The following COMMD1 variants were observed in gnomAD, a reference collection of about 807,000 sequenced individuals.
COMMD1 encodes copper metabolism domain containing 1, also known as COMM domain-containing protein 1.
COMMD1 carries 10 observed loss-of-function variants against 17.2 expected under a neutral mutation model. The ratio of observed to expected loss-of-function variants is 0.58; its 90% CI spans 0.36 to 0.99. COMMD1 has a LOEUF of 0.99. Among genes scored for constraint, COMMD1 ranks in the 50% least tolerant of loss-of-function variants. The pLI, the probability that COMMD1 is intolerant of heterozygous loss-of-function variation, is 0.01. For missense variants in COMMD1, 270 were observed against 231.8 expected (o/e 1.17, Z -1.07); for synonymous variants, 97 against 91.6 (o/e 1.06, Z -0.34).
At chr2:61,896,455 C>T (rs180845560) in intron 1 of COMMD1, among the ~76,000 whole-genome samples, 110 of 152,210 alleles carry the variant, frequency 7.2e-4, no homozygotes, top group African/African-American at 2.0e-3. Context: ...GTGATCTGCA[C>T]CTGTAGTCCT....
chr2:62,053,961 G>A (rs1670616448), intron 2 of COMMD1, among the ~76,000 whole-genome samples: 1 of 151,846 alleles, frequency 6.6e-6, no homozygotes, highest in South Asian at 2.1e-4. Flanking sequence ...ATCCAATAGG[G>A]GTCTAACATC....
chr2:62,052,306 C>G (rs1363988935), intron 2 of COMMD1, among the ~76,000 whole-genome samples: 1 of 151,540 alleles, frequency 6.6e-6, no homozygotes, highest in East Asian at 1.9e-4. Flanking sequence ...CAAAAATTAG[C>G]CAGTCTTATA....
chr2:62,024,852 G>A (rs1462939288), intron 2 of COMMD1, among the ~76,000 whole-genome samples: 5 of 152,150 alleles, frequency 3.3e-5, no homozygotes, highest in Admixed American at 3.3e-4. Context: ...TTTACAAGAA[G>A]CAGTCATTAA....
chr2:62,083,636 G>C (rs1050703836), intron 2 of COMMD1, among the ~76,000 whole-genome samples: 1 of 152,092 alleles, frequency 6.6e-6, no homozygotes, highest in African/African-American at 2.4e-5. Context: ...TTGTTCCTCT[G>C]TTTCCTGTAA....
intron 2 of COMMD1, among the ~76,000 whole-genome samples, chr2:62,121,004 A>G (rs927636338): frequency 6.6e-6 from 1 of 151,964 alleles, no homozygotes; most frequent in Non-Finnish European, 1.5e-5. Flanking sequence ...TTGGCCTCCC[A>G]AAGTGCTGAG....
At chr2:62,028,324 C>G (rs140696469) in intron 2 of COMMD1, among the ~76,000 whole-genome samples, 27 of 152,284 alleles carry the variant, frequency 1.8e-4, no homozygotes, top group African/African-American at 6.3e-4. Context: ...ATAGCTTTCT[C>G]TGAACTATCA....
chr2:61,930,666 T>TGAG (rs1670443179), intron 1 of COMMD1, among the ~76,000 whole-genome samples: 1 of 149,284 alleles, frequency 6.7e-6, no homozygotes, highest in Non-Finnish European at 1.5e-5. Context: ...TGAGTGAGTG[T>TGAG]TTGAGCTCAC....
chr2:61,979,001 A>G (rs530966272), intron 1 of COMMD1, among the ~76,000 whole-genome samples: 3 of 152,274 alleles, frequency 2.0e-5, no homozygotes, highest in African/African-American at 7.2e-5. Context: ...AAAATATACA[A>G]TTAAATTATT....
chr2:61,912,395 C>A (rs1669927968), intron 1 of COMMD1, among the ~76,000 whole-genome samples: 1 of 152,196 alleles, frequency 6.6e-6, no homozygotes, highest in African/African-American at 2.4e-5. Flanking sequence ...GGTCAGCAAA[C>A]TATGTCCTTT....
At chr2:62,036,054 T>TCACACACA (rs70946776) in intron 2 of COMMD1, among the ~76,000 whole-genome samples, 44 of 143,396 alleles carry the variant, frequency 3.1e-4, no homozygotes, top group South Asian at 2.3e-3. Context: ...ACCCTGTCTC[T>TCACACACA]CACACACACA....
chr2:62,044,837 TA>T (rs542859899), intron 2 of COMMD1, among the ~76,000 whole-genome samples: 10,440 of 116,984 alleles, frequency 0.089, 1,096 homozygotes, highest in African/African-American at 0.26. Context: ...GCTCCTAACT[TA>T]AAAAAAAAAA....
intron 1 of COMMD1, among the ~76,000 whole-genome samples, chr2:61,995,124 AAAAG>A (rs1421322747): frequency 6.6e-6 from 1 of 151,962 alleles, no homozygotes; most frequent in Non-Finnish European, 1.5e-5. Flanking sequence ...AAACATTTTT[AAAAG>A]AGAGACAGGG....
At chr2:62,081,634 A>G (rs1671524753) in intron 2 of COMMD1, among the ~76,000 whole-genome samples, 1 of 151,918 alleles carries the variant, frequency 6.6e-6, no homozygotes, top group African/African-American at 2.4e-5. Flanking sequence ...GTCTGTTGTC[A>G]TGTCTACTAG....
chr2:62,104,979 G>C (rs914085391), intron 2 of COMMD1, among the ~76,000 whole-genome samples: 1 of 151,946 alleles, frequency 6.6e-6, no homozygotes, highest in African/African-American at 2.4e-5. Flanking sequence ...TACAAAATTA[G>C]CCAGGCATGA....
rs572506342 is a variant in COMMD1 at position 61,919,972 on chromosome 2, A to T, written c.180+14114A>T. Among the ~76,000 whole-genome samples, 31 of 151,778 alleles carry T rather than the reference A, an allele frequency of 2.0e-4. No individual in the cohort carries two copies. The East Asian group carries it at 2.1e-3, about 10-fold the overall frequency. On this transcript the variant is annotated intron_variant, in intron 1 of 2. Transcript: ENST00000311832. ...GGAGCCCCTGTCTCTACAAAAAAAT[A>T]AAAAAAATCAGCCAGGCATACTAGC...
At chr2:62,045,912 T>A (rs917537949) in intron 2 of COMMD1, among the ~76,000 whole-genome samples, 21 of 150,862 alleles carry the variant, frequency 1.4e-4, no homozygotes. Context: ...AATTTTTGTA[T>A]TTTCAGTAGA....
chr2:62,011,553 C>T (rs553748936), intron 2 of COMMD1, among the ~76,000 whole-genome samples: 1 of 152,156 alleles, frequency 6.6e-6, no homozygotes, highest in African/African-American at 2.4e-5. Context: ...CCTCCCGGCA[C>T]ATGGTGTTCA....
intron 1 of COMMD1, among the ~76,000 whole-genome samples, chr2:61,934,229 CTT>C (rs912457097): frequency 9.9e-5 from 15 of 152,034 alleles, no homozygotes; most frequent in Non-Finnish European, 2.2e-4. Flanking sequence ...ATTAGTATCT[CTT>C]GAGTGGGACA....
intron 1 of COMMD1, among the ~76,000 whole-genome samples, chr2:61,936,011 T>G (rs13384453): frequency 2.4e-4 from 37 of 152,266 alleles, no homozygotes; most frequent in African/African-American, 8.4e-4. Flanking sequence ...GAGATAGGGT[T>G]TCACCATGTT....
Sources: allele counts gnomAD v4.1 joint callset (sites outside exome capture counted in the v4.1 genomes callset), GRCh38; gene constraint gnomAD v4.1.1; transcripts MANE v1.5; gene names NCBI Gene and HGNC (gene_info 2026-07-23, HGNC 2026-07-21).